The following DCDC2C variants were observed in gnomAD, a reference collection of about 807,000 sequenced individuals.
The protein encoded by DCDC2C is doublecortin domain containing 2C.
Under a neutral mutation model 45.0 loss-of-function variants are expected in DCDC2C, and 44 were observed. The observed-to-expected ratio is 0.98, with a 90% CI of 0.77 to 1.26. The LOEUF (loss-of-function observed/expected upper bound fraction) is 1.26, where lower values mean the gene tolerates loss of function less well. Ranked by LOEUF, DCDC2C falls within the 50% of genes most tolerant of loss-of-function variation. The pLI, the probability that DCDC2C is intolerant of heterozygous loss-of-function variation, is 0.00. For missense variants in DCDC2C, 447 were observed against 468.9 expected (o/e 0.95, Z 0.43); for synonymous variants, 187 against 178.8 (o/e 1.05, Z -0.37).
intron 2 of DCDC2C, among the ~76,000 whole-genome samples, chr2:3,722,317 A>G (rs1668523953): frequency 6.6e-6 from 1 of 152,252 alleles, no homozygotes; most frequent in Non-Finnish European, 1.5e-5. Context: ...TTGATGGCTT[A>G]TCATGGCCAG....
intron 3 of DCDC2C, among the ~76,000 whole-genome samples, chr2:3,731,642 A>G (rs1220165800): frequency 6.6e-6 from 1 of 152,198 alleles, no homozygotes; most frequent in Non-Finnish European, 1.5e-5. Flanking sequence ...TGATGCTGAC[A>G]TCATGGGGTG....
intron 8 of DCDC2C, among the ~76,000 whole-genome samples, chr2:3,778,111 C>T (rs1326645928): frequency 2.7e-5 from 4 of 148,260 alleles, no homozygotes; most frequent in African/African-American, 7.4e-5. Context: ...CGCATCTTCT[C>T]TTCCTTTGCA....
At chr2:3,767,083 A>G (rs1161369932) in intron 6 of DCDC2C, among the ~76,000 whole-genome samples, 2 of 152,260 alleles carry the variant, frequency 1.3e-5, no homozygotes, top group African/African-American at 4.8e-5. Flanking sequence ...GGGCTGCGCC[A>G]TGATGTTCAG....
In DCDC2C at chr2:3,754,654, A is replaced by G; in HGVS notation, c.726+20A>G. Reference sequence around the variant, plus strand: ...AAAAAAGTAAGTAACTTTTTAAAACAAGTAAGTAACTTGTTTCTGATTCTG... The same window carrying G: ...AAAAAAGTAAGTAACTTTTTAAAACGAGTAAGTAACTTGTTTCTGATTCTG... On this transcript the variant is annotated intron_variant, in intron 6 of 10. Coordinates refer to ENST00000399143, the MANE Select transcript of DCDC2C (RefSeq NM_001287444.2). The G allele has an allele frequency of 6.5e-7, 1 of 1,545,728 alleles. No individual in the cohort carries two copies. Among genetic ancestry groups the G allele is most frequent in the Non-Finnish European group, 8.7e-7 (1 of 1,143,316 alleles).
At chr2:3,745,255 A>C (rs1202394638) in intron 4 of DCDC2C, among the ~76,000 whole-genome samples, 2 of 152,078 alleles carry the variant, frequency 1.3e-5, no homozygotes, top group African/African-American at 4.8e-5. Context: ...CAAAGTTCTG[A>C]GATTATGGGC....
At position 3,740,630 on chromosome 2, in the gene DCDC2C, G is replaced by A. The variant is rs181265287; in HGVS notation, c.417-1290G>A. ...GAAAACATTGTAGCAAATCTTTATT[G>A]TAATTGTAATAGCACATGGATAAAT... On this transcript the variant is annotated intron_variant, in intron 3 of 10. Coordinates refer to ENST00000399143, the MANE Select transcript of DCDC2C (RefSeq NM_001287444.2). Among the ~76,000 whole-genome samples the A allele has an allele frequency of 3.7e-3, 560 of 152,192 alleles. 3 individuals carry two copies. Among genetic ancestry groups the A allele is most frequent in the Non-Finnish European group, 6.8e-3 (460 of 68,004 alleles).
chr2:3,829,430 G>A (rs998397217), intron 10 of DCDC2C, among the ~76,000 whole-genome samples: 1 of 151,966 alleles, frequency 6.6e-6, no homozygotes, highest in African/African-American at 2.4e-5. Context: ...ACTGGCACTT[G>A]GTGACAGAGT....
intron 8 of DCDC2C, among the ~76,000 whole-genome samples, chr2:3,774,411 C>T (rs60723230): frequency 0.14 from 21,497 of 152,170 alleles, 2,450 homozygotes; most frequent in African/African-American, 0.31. Context: ...TTGGCCCCCT[C>T]GAGCCTCGGG....
chr2:3,828,062 A>G (rs1411993710), intron 10 of DCDC2C, among the ~76,000 whole-genome samples: 1 of 152,236 alleles, frequency 6.6e-6, no homozygotes, highest in Non-Finnish European at 1.5e-5. Context: ...CAAAAATCAC[A>G]TGAAAGTCTG....
At position 3,714,814 on chromosome 2, in the gene DCDC2C, C is replaced by T. The variant is rs564538378; in HGVS notation, c.339+6214C>T. Among the ~76,000 whole-genome samples, 51 of 152,344 alleles carry T rather than the reference C, an allele frequency of 3.3e-4. 1 individual carries two copies. In the South Asian group the frequency reaches 9.7e-3, roughly 29 times the overall value. On this transcript the variant is annotated intron_variant, in intron 2 of 10. Coordinates refer to ENST00000399143, the MANE Select transcript of DCDC2C (RefSeq NM_001287444.2). ...GTACTTTGGGCTGGCTGAACCAATA[C>T]TCACTTCCACTATACTTCTTAGTGA...
At chr2:3,738,928 A>G (rs1033315867) in intron 3 of DCDC2C, among the ~76,000 whole-genome samples, 1 of 152,198 alleles carries the variant, frequency 6.6e-6, no homozygotes, top group Non-Finnish European at 1.5e-5. Context: ...TCATTCAGCT[A>G]CCTGGAAGAT....
At chr2:3,735,033 G>A (rs776846505) in intron 3 of DCDC2C, among the ~76,000 whole-genome samples, 2 of 152,112 alleles carry the variant, frequency 1.3e-5, no homozygotes, top group Non-Finnish European at 2.9e-5. Context: ...TTGTTCGTTT[G>A]TTTCCAGGAA....
At chr2:3,807,047 T>A (rs577803016) in intron 10 of DCDC2C, among the ~76,000 whole-genome samples, 2 of 151,388 alleles carry the variant, frequency 1.3e-5, no homozygotes, top group Admixed American at 6.6e-5. Context: ...AGCTCCAGAG[T>A]GTATTATCTT....
At chr2:3,764,838 G>T (rs1029245053) in intron 6 of DCDC2C, among the ~76,000 whole-genome samples, 1 of 152,194 alleles carries the variant, frequency 6.6e-6, no homozygotes, top group Non-Finnish European at 1.5e-5. Flanking sequence ...ATCCTGAACA[G>T]ATCTTTTCTT....
At chr2:3,816,750 T>G (rs1311691966) in intron 10 of DCDC2C, among the ~76,000 whole-genome samples, 2 of 152,210 alleles carry the variant, frequency 1.3e-5, no homozygotes, top group African/African-American at 4.8e-5. Flanking sequence ...GTTTCCTGAC[T>G]TGGGGCATGT....
chr2:3,785,670 C>T (rs1670633410), intron 10 of DCDC2C, among the ~76,000 whole-genome samples: 1 of 152,162 alleles, frequency 6.6e-6, no homozygotes, highest in South Asian at 2.1e-4. Flanking sequence ...TAGCTCTGTC[C>T]TCAGCAGGAC....
rs1195047864 is a variant in DCDC2C, at chr2:3,725,705, A to AC, written c.340-1298_340-1297insC. Among the ~76,000 whole-genome samples, 136 of 149,776 alleles carry AC rather than the reference A, an allele frequency of 9.1e-4. 1 individual carries two copies. Among genetic ancestry groups the AC allele is most frequent in the African/African-American group, 1.5e-3 (59 of 40,216 alleles). ...GCTGCCAGGTGGATCCCAGAGGGAGATGAGCAAAGAGTGACGAGGCTGGCC... is the reference window on the plus strand; with the variant it reads ...GCTGCCAGGTGGATCCCAGAGGGAGACTGAGCAAAGAGTGACGAGGCTGGCC... On this transcript the variant is annotated intron_variant, in intron 2 of 10. Transcript: ENST00000399143.
At chr2:3,820,723 A>AAGAGAGGGAGATTGAAGGGTAGGG (rs1398632699) in intron 10 of DCDC2C, among the ~76,000 whole-genome samples, 2 of 152,164 alleles carry the variant, frequency 1.3e-5, no homozygotes, top group Non-Finnish European at 2.9e-5. Flanking sequence ...GGAGGGTAGC[A>AAGAGAGGGAGATTGAAGGGTAGGG]AGAGAGGGAG....
intron 4 of DCDC2C, among the ~76,000 whole-genome samples, chr2:3,748,240 T>G (rs1460620490): frequency 8.6e-5 from 13 of 152,032 alleles, no homozygotes; most frequent in Non-Finnish European, 1.9e-4. Context: ...TGGAGGCTCC[T>G]ACAGGTGATC....
Sources: gnomAD v4.1 joint callset for allele counts (sites outside exome capture counted in the v4.1 genomes callset) on GRCh38, gnomAD v4.1.1 for gene constraint, MANE v1.5 for transcripts, NCBI Gene and HGNC (gene_info 2026-07-23, HGNC 2026-07-21) for gene names.